Variants in GRID2 observed in about 807,000 individuals in gnomAD.
The protein encoded by GRID2 is glutamate ionotropic receptor delta type subunit 2, also known as glutamate receptor ionotropic, delta-2.
GRID2 carries 33 observed loss-of-function variants against 114.8 expected under a neutral mutation model. That is an observed-to-expected ratio of 0.29 (90% CI 0.22 to 0.38). The LOEUF is 0.38. Ranked by LOEUF, GRID2 falls within the 10% of genes least tolerant of loss-of-function variation. GRID2 has a pLI of 1.00. For missense variants in GRID2, 1,184 were observed against 1,257.7 expected (o/e 0.94, Z 0.89); for synonymous variants, 505 against 449.9 (o/e 1.12, Z -1.55).
chr4:92,740,518 A>G (rs1439234854), intron 2 of GRID2, among the ~76,000 whole-genome samples: 1 of 152,194 alleles, frequency 6.6e-6, no homozygotes, highest in Non-Finnish European at 1.5e-5. Context: ...AATCCATGTA[A>G]GAATGAAATT....
chr4:92,415,742 A>G (rs60289877), intron 1 of GRID2, among the ~76,000 whole-genome samples: 1,708 of 31,576 alleles, frequency 0.054, 11 homozygotes, highest in African/African-American at 0.13. Context: ...GTATGTGTGT[A>G]TATATATATA....
chr4:92,439,179 C>G (rs998457848), intron 1 of GRID2, among the ~76,000 whole-genome samples: 1 of 151,906 alleles, frequency 6.6e-6, no homozygotes, highest in South Asian at 2.1e-4. Flanking sequence ...AGTGGGGGTG[C>G]TTTTTGAGCC....
At chr4:92,682,682 G>GCA (rs57217377) in intron 2 of GRID2, among the ~76,000 whole-genome samples, 4,556 of 142,720 alleles carry the variant, frequency 0.032, 70 homozygotes, top group East Asian at 0.05. Flanking sequence ...AAATCGCAGG[G>GCA]CACACACACA....
rs145633704 is a variant in GRID2 at position 92,448,920 on chromosome 4, T to A, written c.89-141211T>A. On this transcript the variant is annotated intron_variant, in intron 1 of 15. Transcript: ENST00000282020. The stretch of plus-strand genomic sequence containing the variant: ...TTCTGGAGCCTCAGGTTTTCATCCT[T>A]GATATTTATTTATAAAGATTATTAT... Among the ~76,000 whole-genome samples the A allele has an allele frequency of 5.9e-3, 893 of 152,248 alleles. 4 individuals carry two copies. Among genetic ancestry groups the A allele is most frequent in the Non-Finnish European group, 8.8e-3 (596 of 67,992 alleles).
intron 13 of GRID2, among the ~76,000 whole-genome samples, chr4:93,573,512 G>C (rs1156942745): frequency 6.6e-6 from 1 of 152,162 alleles, no homozygotes; most frequent in Non-Finnish European, 1.5e-5. Flanking sequence ...CTGGATAGCT[G>C]TGAATCAATT....
intron 1 of GRID2, among the ~76,000 whole-genome samples, chr4:92,386,538 G>A (rs1484252364): frequency 1.3e-5 from 2 of 151,298 alleles, no homozygotes; most frequent in East Asian, 3.9e-4. Context: ...ATTGTCAACA[G>A]GAAAAATAAA....
At chr4:93,204,149 C>G (rs1742410846) in intron 4 of GRID2, 2 of 152,112 alleles carry the variant, frequency 1.3e-5, no homozygotes, top group Non-Finnish European at 2.9e-5. Flanking sequence ...TGTATCCACT[C>G]ACTTGTTTGT....
chr4:93,476,336 T>C (rs977597664), intron 11 of GRID2, among the ~76,000 whole-genome samples: 1 of 152,124 alleles, frequency 6.6e-6, no homozygotes, highest in Non-Finnish European at 1.5e-5. Flanking sequence ...GGATGATATA[T>C]AAATTGTCTT....
intron 1 of GRID2, among the ~76,000 whole-genome samples, chr4:92,395,584 C>T (rs1168359460): frequency 6.6e-6 from 1 of 151,696 alleles, no homozygotes; most frequent in East Asian, 1.9e-4. Context: ...TCATTCTGGT[C>T]TATAACGAGC....
At chr4:92,353,313 T>A (rs1728161113) in intron 1 of GRID2, among the ~76,000 whole-genome samples, 1 of 151,992 alleles carries the variant, frequency 6.6e-6, no homozygotes, top group South Asian at 2.1e-4. Flanking sequence ...TTGTCTAGTT[T>A]TTCCAGTGTT....
intron 1 of GRID2, among the ~76,000 whole-genome samples, chr4:93,797,470 C>A (rs1255549550): frequency 6.6e-6 from 1 of 151,950 alleles, no homozygotes; most frequent in African/African-American, 2.4e-5. Flanking sequence ...AGTGATTTGC[C>A]CTTGGAAAGA....
At chr4:92,896,926 G>A (rs1324481641) in intron 2 of GRID2, among the ~76,000 whole-genome samples, 1 of 152,080 alleles carries the variant, frequency 6.6e-6, no homozygotes, top group African/African-American at 2.4e-5. Context: ...ATTTTTAGTA[G>A]AGACGGGGTT....
At chr4:93,224,307 G>A (rs1026439799) in intron 6 of GRID2, among the ~76,000 whole-genome samples, 2 of 152,118 alleles carry the variant, frequency 1.3e-5, no homozygotes, top group Non-Finnish European at 2.9e-5. Context: ...AGAGAAATAA[G>A]GGCCAATGAT....
chr4:92,621,971 G>T (rs1730298454), intron 2 of GRID2, among the ~76,000 whole-genome samples: 1 of 151,766 alleles, frequency 6.6e-6, no homozygotes. Context: ...GGAGAAATTT[G>T]TTAAACATTG....
chr4:93,384,834 A>G (rs1217514916), intron 8 of GRID2, among the ~76,000 whole-genome samples: 5 of 152,104 alleles, frequency 3.3e-5, no homozygotes, highest in African/African-American at 1.2e-4. Context: ...TCTTACATAT[A>G]TGGTTATAGC....
At chr4:93,253,826 AGTATTACTATCAATTATTAT>A (rs1216174527) in intron 8 of GRID2, among the ~76,000 whole-genome samples, 1 of 152,108 alleles carries the variant, frequency 6.6e-6, no homozygotes, top group Admixed American at 6.6e-5. Context: ...TAAGATGCAT[AGTATTACTATCAATTATTAT>A]GTTCATGACA....
At chr4:93,598,241 GT>G (rs1158787018) in intron 13 of GRID2, among the ~76,000 whole-genome samples, 1 of 152,128 alleles carries the variant, frequency 6.6e-6, no homozygotes, top group African/African-American at 2.4e-5. Context: ...ATCACTTATT[GT>G]TATAGCTTCC....
At chr4:92,965,894 A>G (rs989599593) in intron 2 of GRID2, among the ~76,000 whole-genome samples, 3 of 151,918 alleles carry the variant, frequency 2.0e-5, no homozygotes, top group Non-Finnish European at 4.4e-5. Context: ...CCCTCCTCCA[A>G]GTATAGCCAG....
chr4:92,651,261 C>T (rs1731916739), intron 2 of GRID2, among the ~76,000 whole-genome samples: 1 of 152,038 alleles, frequency 6.6e-6, no homozygotes, highest in African/African-American at 2.4e-5. Flanking sequence ...AGGTAGCTGG[C>T]TGATCACTCT....
Sources: gnomAD v4.1 joint callset for allele counts (sites outside exome capture counted in the v4.1 genomes callset) on GRCh38, gnomAD v4.1.1 for gene constraint, MANE v1.5 for transcripts, NCBI Gene and HGNC (gene_info 2026-07-23, HGNC 2026-07-21) for gene names.